Variants in ASPG observed in about 807,000 individuals in gnomAD.
ASPG encodes asparaginase.
A neutral mutation model predicts 63.2 loss-of-function variants in ASPG; 53 were observed. The observed-to-expected ratio is 0.84, with a 90% confidence interval of 0.67 to 1.05. The LOEUF (loss-of-function observed/expected upper bound fraction) is 1.05, where lower values mean the gene tolerates loss of function less well. Ranked by LOEUF, ASPG falls within the 50% of genes least tolerant of loss-of-function variation. The pLI is 0.00. For missense variants in ASPG, 741 were observed against 794.4 expected (o/e 0.93, Z 0.81); for synonymous variants, 370 against 355.0 (o/e 1.04, Z -0.48).
At chr14:104,089,947 CAAAAAAAAA>C (rs58405958) in intron 1 of ASPG, among the ~76,000 whole-genome samples, 5 of 56,340 alleles carry the variant, frequency 8.9e-5, no homozygotes, top group East Asian at 6.1e-4. Context: ...GACTCTGCCT[CAAAAAAAAA>C]AAAAAAAAAA....
chr14:104,101,634 G>A (rs749127923), intron 6 of ASPG, among the ~76,000 whole-genome samples: 3 of 152,208 alleles, frequency 2.0e-5, no homozygotes, highest in Non-Finnish European at 4.4e-5. Context: ...AGCAGAGGAG[G>A]GTGGAGAAGG....
At chr14:104,108,705 C>A in intron 12 of ASPG, 1 of 985,460 alleles carries the variant, frequency 1.0e-6, no homozygotes, top group Non-Finnish European at 1.2e-6. Flanking sequence ...CCCACAGACT[C>A]CACTGTCCGG....
intron 10 of ASPG, among the ~76,000 whole-genome samples, chr14:104,106,420 G>C (rs1180780042): frequency 1.3e-5 from 2 of 152,184 alleles, no homozygotes; most frequent in African/African-American, 4.8e-5. Flanking sequence ...TTCCAGGGGA[G>C]GGGTCTGGCT....
At chr14:104,094,242 G>A (rs528695383) in intron 3 of ASPG, among the ~76,000 whole-genome samples, 44 of 152,108 alleles carry the variant, frequency 2.9e-4, no homozygotes, top group African/African-American at 1.0e-3. Flanking sequence ...TATCTGGGGC[G>A]CGGTGTGTGG....
At chr14:104,098,046 T>TC (rs2141007408) in intron 5 of ASPG, among the ~76,000 whole-genome samples, 1 of 82,976 alleles carries the variant, frequency 1.2e-5, no homozygotes, top group Non-Finnish European at 2.7e-5. Context: ...GTATGGAGGT[T>TC]TTGCGTTAGA....
rs370183967 is a variant in ASPG, at chr14:104,111,602, G to A, written c.1620+1G>A. On this transcript the variant is annotated splice_donor_variant, in intron 14 of 15. Coordinates refer to ENST00000551177, the MANE Select transcript of ASPG (RefSeq NM_001080464.3). LOFTEE classifies it high-confidence loss of function. ...TGACGGGCACAGCGCCCTGCACGTCGTGAGTGCCCCCACCCCCTGCACCCT... is the reference window on the plus strand; with the variant it reads ...TGACGGGCACAGCGCCCTGCACGTCATGAGTGCCCCCACCCCCTGCACCCT... The A allele has an allele frequency of 2.9e-4, 452 of 1,548,970 alleles. No individual in the cohort carries two copies. Among genetic ancestry groups the A allele is most frequent in the Non-Finnish European group, 3.5e-4 (403 of 1,146,202 alleles).
At chr14:104,086,537 C>T (rs571170802) in intron 1 of ASPG, among the ~76,000 whole-genome samples, 3 of 152,222 alleles carry the variant, frequency 2.0e-5, no homozygotes, top group Admixed American at 6.5e-5. Flanking sequence ...CTGGGCTGGG[C>T]ACAGGAAGGA....
chr14:104,089,684 G>A (rs1177082557), intron 1 of ASPG, among the ~76,000 whole-genome samples: 3 of 152,082 alleles, frequency 2.0e-5, no homozygotes, highest in South Asian at 2.1e-4. Flanking sequence ...AAAAAGGAAC[G>A]TTTGGCCAGA....
intron 3 of ASPG, among the ~76,000 whole-genome samples, chr14:104,094,812 G>A (rs143366944): frequency 1.4e-3 from 219 of 152,352 alleles, no homozygotes; most frequent in African/African-American, 5.1e-3. Flanking sequence ...CTGCCGTCTT[G>A]CCGCGAGTGG....
At chr14:104,089,658 C>T (rs924622475) in intron 1 of ASPG, among the ~76,000 whole-genome samples, 4 of 152,054 alleles carry the variant, frequency 2.6e-5, no homozygotes, top group Non-Finnish European at 4.4e-5. Flanking sequence ...ACTTTACTGG[C>T]GACAGTATAG....
At chr14:104,104,279 C>T (rs1427116446) in intron 7 of ASPG, 25 bp from the exon 8 acceptor site, 1 of 1,599,294 alleles carries the variant, frequency 6.3e-7, no homozygotes, top group Non-Finnish European at 8.5e-7. Context: ...CCTCACCATC[C>T]AGCCCCCACC....
Position 104,104,321 on chromosome 14 carries a change from GCCT to G in ASPG, c.774_776del (p.Pro259del), listed in dbSNP as rs769796151. Reference sequence around the variant, plus strand: ...CCCCACAGGTTCGGGCCTTCTTGCAGCCTCCCCTGAAGGGCGTGGTCATGGAGA... The same window carrying G: ...CCCCACAGGTTCGGGCCTTCTTGCAGCCCCTGAAGGGCGTGGTCATGGAGA... On this transcript the variant is annotated inframe_deletion, in exon 8 of 16. Coordinates refer to ENST00000551177, the MANE Select transcript of ASPG (RefSeq NM_001080464.3). 2.6e-5 allele frequency: 42 copies of G among 1,611,862 alleles called. No individual in the cohort carries two copies. Among genetic ancestry groups the G allele is most frequent in the African/African-American group, 8.0e-5 (6 of 74,904 alleles).
chr14:104,087,539 A>T (rs1296266241), intron 1 of ASPG, among the ~76,000 whole-genome samples: 1 of 152,204 alleles, frequency 6.6e-6, no homozygotes, highest in Non-Finnish European at 1.5e-5. Context: ...GGGCCAGGCC[A>T]GGAGCAGCCC....
chr14:104,102,180 C>T (rs1021878768), intron 6 of ASPG, among the ~76,000 whole-genome samples: 5 of 152,036 alleles, frequency 3.3e-5, no homozygotes, highest in African/African-American at 1.2e-4. Flanking sequence ...GACACACGCC[C>T]TCAGTTAAAG....
At chr14:104,088,163 C>T (rs769430427) in intron 1 of ASPG, among the ~76,000 whole-genome samples, 4 of 152,202 alleles carry the variant, frequency 2.6e-5, no homozygotes, top group East Asian at 1.9e-4. Flanking sequence ...ACACTGCTGA[C>T]GTGGGCTCTG....
chr14:104,107,251 A>C lies in ASPG; in HGVS notation c.1339A>C (p.Thr447Pro), dbSNP rs770394511. ...PLHAAARGGH[T>P]EAVTMLLQRG... is the part of the protein sequence containing the mutation. ...GCACGCGGCCGCCCGGGGAGGCCAC[A>C]CAGAGGCAGTCACCATGCTGCTGCA... The change falls in exon 12 of 16, where the codon ACA becomes CCA. Residue 447 changes from threonine to proline, a missense_variant. Physicochemically the swap from Thr to Pro is conservative, Grantham distance 38. Coordinates refer to ENST00000551177, the MANE Select transcript of ASPG (RefSeq NM_001080464.3). The C allele has an allele frequency of 6.2e-7, 1 of 1,608,842 alleles. No individual in the cohort carries two copies. Among genetic ancestry groups the C allele is most frequent in the South Asian group, 1.1e-5 (1 of 90,696 alleles).
chr14:104,110,592 C>T lies in ASPG; in HGVS notation c.1521-910C>T, dbSNP rs1433221437. 2 of 985,276 alleles carry T rather than the reference C, an allele frequency of 2.0e-6. No homozygotes were observed. The highest frequency in any genetic ancestry group is 2.4e-6 in the Non-Finnish European group (2 of 829,846). The allele number at this position is 985,276 out of a possible 1,614,324, so 61.0% of individuals were successfully genotyped here. On this transcript the variant is annotated intron_variant, in intron 13 of 15. Transcript: ENST00000551177. The surrounding 1 kb of genome is among the most constrained non-coding windows in gnomAD (Gnocchi z 4.7). ...CCGGTGTGTGTGTGGGGCTTGGCCT[C>T]TTGGAGCAGGTCCAGGAGGGGCCAG... is the stretch of plus-strand genomic sequence containing the variant.
chr14:104,094,377 T>A (rs1200375471), intron 3 of ASPG, among the ~76,000 whole-genome samples: 8 of 151,974 alleles, frequency 5.3e-5, no homozygotes, highest in Non-Finnish European at 1.0e-4. Flanking sequence ...GTTGGAGTCT[T>A]AGTGGACCAC....
chr14:104,107,820 G>C (rs1288525130), intron 12 of ASPG, among the ~76,000 whole-genome samples: 1 of 152,190 alleles, frequency 6.6e-6, no homozygotes, highest in Non-Finnish European at 1.5e-5. Context: ...GCCCCTGCGT[G>C]GGGGGCGGGG....
Sources: allele counts gnomAD v4.1 joint callset (sites outside exome capture counted in the v4.1 genomes callset), GRCh38; gene constraint gnomAD v4.1.1; non-coding constraint Gnocchi (gnomAD v3.1); transcripts MANE v1.5; gene names NCBI Gene and HGNC (gene_info 2026-07-23, HGNC 2026-07-21).